RFC1: variants seen among roughly 807,000 people sequenced by gnomAD.
RFC1 encodes A1 140 kDa subunit.
RFC1 carries 37 observed loss-of-function variants against 137.4 expected under a neutral mutation model. The observed-to-expected ratio is 0.27, with a 90% CI of 0.21 to 0.35. The LOEUF is 0.35. Ranked by LOEUF, RFC1 falls within the 10% of genes least tolerant of loss-of-function variation. The pLI, the probability that RFC1 is intolerant of heterozygous loss-of-function variation, is 1.00. For synonymous variants in RFC1, 429 were observed against 455.7 expected (o/e 0.94, Z 0.75); for missense variants, 1,205 against 1,358.5 (o/e 0.89, Z 1.78).
intron 1 of RFC1, 64 bp from the exon 2 acceptor site, chr4:39,351,540 G>A (rs1004850365): frequency 3.6e-6 from 5 of 1,392,538 alleles, no homozygotes; most frequent in African/African-American, 1.5e-5. Context: ...AACTTCAATT[G>A]TAAGATGGGA....
chr4:39,321,048 A>C (rs1176880350), intron 8 of RFC1, among the ~76,000 whole-genome samples: 1 of 152,228 alleles, frequency 6.6e-6, no homozygotes, highest in East Asian at 1.9e-4. Context: ...TTGGAAATTA[A>C]CAAGAAGCCA....
At chr4:39,365,153 G>GA (rs745527928) in intron 1 of RFC1, among the ~76,000 whole-genome samples, 15,233 of 79,726 alleles carry the variant, frequency 0.19, 1,286 homozygotes, top group East Asian at 0.28. Flanking sequence ...GGGTTGAAAT[G>GA]AAAAAAAAAA....
chr4:39,365,120 C>T (rs1223655983), intron 1 of RFC1, among the ~76,000 whole-genome samples: 1 of 121,766 alleles, frequency 8.2e-6, no homozygotes, highest in Non-Finnish European at 1.6e-5. Context: ...GTGCTTGCAC[C>T]ATCTGTAAAA....
At chr4:39,299,332 T>A (rs1738212921) in intron 21 of RFC1, among the ~76,000 whole-genome samples, 1 of 152,168 alleles carries the variant, frequency 6.6e-6, no homozygotes, top group Non-Finnish European at 1.5e-5. Flanking sequence ...GACCCCTGAT[T>A]TCCCACTTCA....
chr4:39,311,369 A>G, intron 12 of RFC1, 76 bp downstream of exon 12: 1 of 1,193,456 alleles, frequency 8.4e-7, no homozygotes, highest in Non-Finnish European at 1.2e-6. Flanking sequence ...ACAAGCCTGT[A>G]TCCACCCAAG....
At position 39,302,859 on chromosome 4, in the gene RFC1, T is replaced by G; in HGVS notation, c.2218A>C (p.Ile740Leu). The change falls in exon 17 of 25, where the codon ATA (isoleucine) becomes CTA (leucine). Residue 740 changes from isoleucine to leucine, a missense_variant. By Grantham distance (5) the Ile-to-Leu change is conservative. Coordinates refer to ENST00000349703, the MANE Select transcript of RFC1 (RefSeq NM_002913.5). ...RGGIQELIGL[I>L]KHTKIPIICM... ...ATAATGGGAATTTTAGTATGTTTTA[T>G]CAGGCCAATTAATTCCTGAAAGGCA... 6.3e-7 allele frequency: 1 copy of G among 1,584,934 alleles called. No homozygotes were observed. Among genetic ancestry groups the G allele is most frequent in the Non-Finnish European group, 8.6e-7 (1 of 1,168,820 alleles).
In RFC1 at chr4:39,288,731, A is replaced by G; in HGVS notation, c.*30T>C. Reference sequence around the variant, plus strand: ...GCTGGACTGGTCAGGAGGGAGAGTAAAAAGTGGCTGTCGCTAGTGAAAAAT... The same window carrying G: ...GCTGGACTGGTCAGGAGGGAGAGTAGAAAGTGGCTGTCGCTAGTGAAAAAT... On this transcript the variant is annotated 3_prime_UTR_variant, in exon 25 of 25. Coordinates refer to ENST00000349703, the MANE Select transcript of RFC1 (RefSeq NM_002913.5). 1 of 1,452,620 alleles carries G rather than the reference A, an allele frequency of 6.9e-7. No individual in the cohort carries two copies. The highest frequency in any genetic ancestry group is 9.7e-7 in the Non-Finnish European group (1 of 1,034,974). The allele number at this position is 1,452,620 out of a possible 1,614,324, so 90.0% of individuals were successfully genotyped here.
chr4:39,313,065 G>C, intron 10 of RFC1, 134 bp from the exon 11 acceptor site: 2 of 703,390 alleles, frequency 2.8e-6, no homozygotes. Context: ...AAGTTTGCTG[G>C]AAATTTACAG....
At chr4:39,348,044 A>G (rs1740945371) in intron 2 of RFC1, among the ~76,000 whole-genome samples, 1 of 152,150 alleles carries the variant, frequency 6.6e-6, no homozygotes, top group Non-Finnish European at 1.5e-5. Flanking sequence ...AACGGAAGAG[A>G]TGAACTAATG....
intron 1 of RFC1, among the ~76,000 whole-genome samples, chr4:39,357,063 A>G (rs1450197218): frequency 6.6e-6 from 1 of 152,256 alleles, no homozygotes; most frequent in East Asian, 1.9e-4. Context: ...AAAACAGGCT[A>G]GGTCTCTGTT....
chr4:39,344,887 C>T (rs1033005690), intron 3 of RFC1, among the ~76,000 whole-genome samples: 11 of 152,162 alleles, frequency 7.2e-5, no homozygotes, highest in African/African-American at 2.7e-4. Flanking sequence ...TTAATACAAA[C>T]ATATTTTGGT....
intron 12 of RFC1, among the ~76,000 whole-genome samples, chr4:39,311,098 A>G (rs577882354): frequency 6.6e-6 from 1 of 152,296 alleles, no homozygotes; most frequent in South Asian, 2.1e-4. Context: ...CCGAGATCAC[A>G]CCACTGCACT....
At position 39,327,684 on chromosome 4, in the gene RFC1, T is replaced by C. The variant is rs752880075; in HGVS notation, c.404A>G (p.His135Arg). 3.5e-5 allele frequency: 57 copies of C among 1,613,436 alleles called. No individual in the cohort carries two copies. Among genetic ancestry groups the C allele is most frequent in the Non-Finnish European group, 4.8e-5 (57 of 1,179,788 alleles). ...CTTTTTCATGTTTGATGTTCCAAGA[T>C]GACTATTTGTAGATCTTCCATTCTC... The part of the protein sequence containing the change: ...SKENGRSTNS[H>R]LGTSNMKKNE... The change falls in exon 5 of 25, where the codon CAT becomes CGT. Residue 135 changes from histidine (H) to arginine (R), a missense_variant. By Grantham distance (29) the His-to-Arg change is conservative. Around this residue, in one of 3 missense-constraint regions of RFC1, gnomAD observed 962 missense variants for 1,035.3 expected, o/e 0.93. Transcript: ENST00000349703.
intron 21 of RFC1, among the ~76,000 whole-genome samples, chr4:39,296,133 T>TA (rs1737978313): frequency 1.3e-5 from 2 of 152,146 alleles, no homozygotes; most frequent in South Asian, 4.1e-4. Flanking sequence ...ATAGGTAGAT[T>TA]AAAGCATAGA....
At chr4:39,363,629 G>A (rs1741867661) in intron 1 of RFC1, among the ~76,000 whole-genome samples, 1 of 152,124 alleles carries the variant, frequency 6.6e-6, no homozygotes, top group Admixed American at 6.6e-5. Context: ...GTTCATGCCT[G>A]TAATCCCGGC....
intron 1 of RFC1, among the ~76,000 whole-genome samples, chr4:39,351,966 CAAAA>C (rs570668838): frequency 8.6e-5 from 5 of 57,818 alleles, no homozygotes; most frequent in Admixed American, 5.9e-4. Context: ...GACTCCGTCT[CAAAA>C]AAAAAAAAAA....
chr4:39,338,601 T>C (rs768661943), intron 4 of RFC1, among the ~76,000 whole-genome samples: 4 of 152,218 alleles, frequency 2.6e-5, no homozygotes, highest in African/African-American at 4.8e-5. Context: ...GTTTACCTTT[T>C]TTGTGTAGGA....
intron 2 of RFC1, among the ~76,000 whole-genome samples, chr4:39,349,527 A>G (rs4975006): frequency 0.98 from 148,580 of 152,202 alleles, 72,624 homozygotes; most frequent in Middle Eastern, 1. Flanking sequence ...ACGAGAAGGC[A>G]GCCATGTACA....
Position 39,311,475 on chromosome 4 carries a change from T to A in RFC1, c.1458A>T (p.Lys486Asn). The stretch of plus-strand genomic sequence containing the variant: ...TTTCAACTGCTATTTCATACTTGGA[T>A]TTCTTGCCTGGCATAGTCCGAATCA... ...LNLIRTMPGKKSKYEIAVETE... is the reference protein window; with the variant it reads ...LNLIRTMPGKNSKYEIAVETE... The change falls in exon 12 of 25, where the codon AAA (lysine) becomes AAT (asparagine). Residue 486 changes from lysine to asparagine, a missense_variant. Transcript: ENST00000349703. The A allele has an allele frequency of 6.2e-7, 1 of 1,614,106 alleles. No individual in the cohort carries two copies. Among genetic ancestry groups the A allele is most frequent in the Non-Finnish European group, 8.5e-7 (1 of 1,179,980 alleles).
Sources: allele counts gnomAD v4.1 joint callset (sites outside exome capture counted in the v4.1 genomes callset), GRCh38; gene constraint gnomAD v4.1.1; regional missense constraint gnomAD v4.1.1; transcripts MANE v1.5; gene names NCBI Gene and HGNC (gene_info 2026-07-23, HGNC 2026-07-21).